Variants in ADARB2 observed in about 807,000 individuals in gnomAD.
ADARB2 encodes the protein inactive double-stranded RNA-specific editase B2.
Under a neutral mutation model 62.2 loss-of-function variants are expected in ADARB2, and 25 were observed. The ratio of observed to expected loss-of-function variants is 0.40; its 90% confidence interval spans 0.29 to 0.56. The LOEUF (loss-of-function observed/expected upper bound fraction) is 0.56, where lower values mean the gene tolerates loss of function less well. Ranked by LOEUF, ADARB2 falls within the 20% of genes least tolerant of loss-of-function variation. The pLI, the probability that ADARB2 is intolerant of heterozygous loss-of-function variation, is 0.43. For synonymous variants in ADARB2, 572 were observed against 500.8 expected, an observed-to-expected ratio of 1.14 and a Z score of -1.90; for missense variants, 1,071 against 1,077.4, an observed-to-expected ratio of 0.99 and a Z score of 0.08.
intron 1 of ADARB2, among the ~76,000 whole-genome samples, chr10:1,645,892 CTCAA>C (rs1452146989): frequency 6.6e-6 from 1 of 152,236 alleles, no homozygotes; most frequent in Non-Finnish European, 1.5e-5. Flanking sequence ...CATTCATAAA[CTCAA>C]TCAGTCATTC....
chr10:1,615,994 C>A (rs1833627436), intron 1 of ADARB2, among the ~76,000 whole-genome samples: 1 of 152,218 alleles, frequency 6.6e-6, no homozygotes. Context: ...CAGATCACCC[C>A]ACCTGTCAAA....
intron 1 of ADARB2, among the ~76,000 whole-genome samples, chr10:1,563,434 T>TG (rs1832814730): frequency 6.6e-6 from 1 of 152,168 alleles, no homozygotes; most frequent in Admixed American, 6.5e-5. Context: ...CCACATCAGA[T>TG]GCTTGCTGCT....
chr10:1,672,735 G>GCTCCTGCCTCCCTCCACGCAGGGAAAGT lies in ADARB2; in HGVS notation c.100+64315_100+64316insACTTTCCCTGCGTGGAGGGAGGCAGGAG. Among the ~76,000 whole-genome samples, 2 of 146,980 alleles carry GCTCCTGCCTCCCTCCACGCAGGGAAAGT rather than the reference G, an allele frequency of 1.4e-5. 1 individual carries two copies. The highest frequency in any genetic ancestry group is 4.1e-4 in the East Asian group (2 of 4,828). On this transcript the variant is annotated intron_variant, in intron 1 of 9. Transcript: ENST00000381312. ...GCCTGCCTCCTCCACGCACCGCAAG[G>GCTCCTGCCTCCCTCCACGCAGGGAAAGT]CTCCTGCCTCCCTCCCTCCACGCAC...
intron 1 of ADARB2, among the ~76,000 whole-genome samples, chr10:1,400,282 G>A (rs1164232612): frequency 6.6e-6 from 1 of 152,180 alleles, no homozygotes; most frequent in Non-Finnish European, 1.5e-5. Flanking sequence ...GCCTCCCTGA[G>A]TCCGAGTCCG....
At chr10:1,456,381 G>C (rs569120808) in intron 1 of ADARB2, among the ~76,000 whole-genome samples, 1 of 152,270 alleles carries the variant, frequency 6.6e-6, no homozygotes, top group East Asian at 1.9e-4. Context: ...GGAGGCTCCT[G>C]CCCGGAAGAC....
intron 2 of ADARB2, among the ~76,000 whole-genome samples, chr10:1,375,904 A>T (rs972192139): frequency 6.7e-6 from 1 of 148,698 alleles, no homozygotes; most frequent in African/African-American, 2.5e-5. Context: ...ACACGTGCAC[A>T]TACCACACTT....
At chr10:1,518,888 T>C (rs1832039684) in intron 1 of ADARB2, among the ~76,000 whole-genome samples, 2 of 152,086 alleles carry the variant, frequency 1.3e-5, no homozygotes, top group South Asian at 4.2e-4. Context: ...ATGTAACATC[T>C]GCATGTGGTA....
Position 1,458,853 on chromosome 10 carries a change from G to A in ADARB2, c.101-79693C>T, listed in dbSNP as rs201984270. ...TACAAGTGTGACGGAACAAACACTCGACGGAACAAACACTCAAAGAACAAA... is the reference window on the plus strand; with the variant it reads ...TACAAGTGTGACGGAACAAACACTCAACGGAACAAACACTCAAAGAACAAA... On this transcript the variant is annotated intron_variant, in intron 1 of 9. Coordinates refer to ENST00000381312, the MANE Select transcript of ADARB2 (RefSeq NM_018702.4). Among the ~76,000 whole-genome samples the A allele has an allele frequency of 1.2e-3, 102 of 82,670 alleles. 1 individual carries two copies. Among genetic ancestry groups the A allele is most frequent in the South Asian group, 2.6e-3 (4 of 1,562 alleles). 54.2% of individuals were successfully genotyped at this position (82,670 alleles called of 152,430 possible).
At chr10:1,708,986 G>A (rs556729179) in intron 1 of ADARB2, among the ~76,000 whole-genome samples, 2 of 152,256 alleles carry the variant, frequency 1.3e-5, no homozygotes, top group Non-Finnish European at 2.9e-5. Context: ...AGGAGGCCAC[G>A]CAGGGAACAT....
intron 4 of ADARB2, among the ~76,000 whole-genome samples, chr10:1,251,546 C>T (rs192488906): frequency 3.4e-4 from 51 of 152,158 alleles, no homozygotes; most frequent in African/African-American, 9.4e-4. Flanking sequence ...TGTCCAACAC[C>T]GGGAGCGAAC....
At chr10:1,381,611 G>C (rs1328415484) in intron 1 of ADARB2, among the ~76,000 whole-genome samples, 1 of 152,204 alleles carries the variant, frequency 6.6e-6, no homozygotes, top group Non-Finnish European at 1.5e-5. Context: ...CAGTGGATGA[G>C]TGGATAAGTG....
intron 1 of ADARB2, among the ~76,000 whole-genome samples, chr10:1,687,066 A>T (rs1834607136): frequency 7.7e-6 from 1 of 129,176 alleles, no homozygotes; most frequent in Non-Finnish European, 1.5e-5. Context: ...TCGCTCTGTC[A>T]CCCAGGCTGG....
At chr10:1,590,254 C>G (rs1252443562) in intron 1 of ADARB2, among the ~76,000 whole-genome samples, 3 of 152,176 alleles carry the variant, frequency 2.0e-5, no homozygotes, top group Non-Finnish European at 4.4e-5. Context: ...CCATTAGGAG[C>G]CTCAGATTGC....
intron 1 of ADARB2, among the ~76,000 whole-genome samples, chr10:1,570,839 GA>G (rs1390496119): frequency 2.0e-5 from 3 of 152,082 alleles, no homozygotes; most frequent in African/African-American, 4.8e-5. Flanking sequence ...CCGCATGCTG[GA>G]AACTTCCAGG....
chr10:1,220,159 ATGGTAATGATGG>A (rs1214210390), intron 6 of ADARB2, among the ~76,000 whole-genome samples: 8 of 111,398 alleles, frequency 7.2e-5, no homozygotes, highest in African/African-American at 1.5e-4. Flanking sequence ...GATGATGGTG[ATGGTAATGATGG>A]TGGTGATGAT....
chr10:1,338,954 C>A (rs1831998144), intron 3 of ADARB2, among the ~76,000 whole-genome samples: 1 of 152,254 alleles, frequency 6.6e-6, no homozygotes, highest in African/African-American at 2.4e-5. Context: ...CTCTTCTCCA[C>A]ATTCCAACAC....
chr10:1,481,728 G>A (rs1377277633), intron 1 of ADARB2, among the ~76,000 whole-genome samples: 2 of 151,912 alleles, frequency 1.3e-5, no homozygotes, highest in Admixed American at 6.6e-5. Context: ...ATGGGGGCGG[G>A]TGCCTGTAAT....
At chr10:1,293,294 A>C (rs1205383899) in intron 3 of ADARB2, among the ~76,000 whole-genome samples, 1 of 82,654 alleles carries the variant, frequency 1.2e-5, no homozygotes, top group Non-Finnish European at 2.5e-5. Context: ...GAGCAGGGAG[A>C]GAAGGGGGAA....
At chr10:1,364,060 CAG>C (rs1436898580) in intron 2 of ADARB2, 143 bp from the exon 3 acceptor site, 2 of 1,210,818 alleles carry the variant, frequency 1.7e-6, no homozygotes, top group Non-Finnish European at 2.2e-6. Context: ...CTGTGGCCGC[CAG>C]AGAGAGGGAG....
Sources: gnomAD v4.1 joint callset for allele counts (sites outside exome capture counted in the v4.1 genomes callset) on GRCh38, gnomAD v4.1.1 for gene constraint, MANE v1.5 for transcripts, NCBI Gene and HGNC (gene_info 2026-07-23, HGNC 2026-07-21) for gene names.